Variants in AMPH observed in about 807,000 individuals in gnomAD.
AMPH encodes the protein amphiphysin, also known as amphiphysin (Stiff-Mann syndrome with breast cancer 128kD autoantigen).
A neutral mutation model predicts 99.1 loss-of-function variants in AMPH; 49 were observed. The ratio of observed to expected loss-of-function variants is 0.49; its 90% confidence interval spans 0.39 to 0.63. The LOEUF is 0.63. Among genes scored for constraint, AMPH ranks in the 20% least tolerant of loss-of-function variants. The pLI is 0.00. For missense variants in AMPH, 759 were observed against 863.4 expected, an observed-to-expected ratio of 0.88 and a Z score of 1.52; for synonymous variants, 314 against 317.3, an observed-to-expected ratio of 0.99 and a Z score of 0.11.
chr7:38,499,055 G>A (rs1789034983), intron 3 of AMPH, among the ~76,000 whole-genome samples: 1 of 152,142 alleles, frequency 6.6e-6, no homozygotes, highest in Non-Finnish European at 1.5e-5. Context: ...TCATTCAAGT[G>A]TAAGTTCCTT....
Position 38,391,908 on chromosome 7 carries a change from G to T in AMPH, c.1718C>A (p.Ala573Asp). 1 of 1,612,850 alleles carries T rather than the reference G, an allele frequency of 6.2e-7. No homozygotes were observed. Among genetic ancestry groups the T allele is most frequent in the Non-Finnish European group, 8.5e-7 (1 of 1,179,846 alleles). Residue 573 changes from alanine (A) to aspartate (D), a missense_variant, in exon 19 of 21, where the codon GCT becomes GAT. Physicochemically the swap from Ala to Asp is moderately radical, Grantham distance 126. Transcript: ENST00000356264. ...AEPKETTEDAAPPGPTSETPE... is the reference protein window; with the variant it reads ...AEPKETTEDADPPGPTSETPE... Reference sequence around the variant, plus strand: ...TGTCTCGCTGGTGGGGCCCGGAGGAGCCGCGTCCTCGGTGGTCTCCTTGGG... The same window carrying T: ...TGTCTCGCTGGTGGGGCCCGGAGGATCCGCGTCCTCGGTGGTCTCCTTGGG...
rs1371022720 is a variant in AMPH, at chr7:38,464,335, A to G, written c.749+1132T>C. Among the ~76,000 whole-genome samples, 3 of 152,246 alleles carry G rather than the reference A, an allele frequency of 2.0e-5. No individual in the cohort carries two copies. In the South Asian group the frequency reaches 6.2e-4, roughly 32 times the overall value. On this transcript the variant is annotated intron_variant, in intron 9 of 20. Coordinates refer to ENST00000356264, the MANE Select transcript of AMPH (RefSeq NM_001635.4). ...TTCGTGCCTAGCCCCATACTGAAATAACCATACTGAAAACAGTAACTCTGC... is the reference window on the plus strand; with the variant it reads ...TTCGTGCCTAGCCCCATACTGAAATGACCATACTGAAAACAGTAACTCTGC...
chr7:38,450,979 C>T (rs1562763950), intron 11 of AMPH, among the ~76,000 whole-genome samples: 1 of 151,768 alleles, frequency 6.6e-6, no homozygotes, highest in Non-Finnish European at 1.5e-5. Flanking sequence ...TAACCTCGAC[C>T]TCCTGGGCTC....
At chr7:38,521,582 G>C (rs1450343246) in intron 2 of AMPH, among the ~76,000 whole-genome samples, 1 of 152,140 alleles carries the variant, frequency 6.6e-6, no homozygotes, top group Non-Finnish European at 1.5e-5. Flanking sequence ...ATGAAAAAAG[G>C]TAGAGAGATT....
chr7:38,475,417 C>T lies in AMPH; in HGVS notation c.505-1G>A. 6.2e-7 allele frequency: 1 copy of T among 1,609,006 alleles called. No individual in the cohort carries two copies. Among genetic ancestry groups the T allele is most frequent in the Non-Finnish European group, 8.5e-7 (1 of 1,176,368 alleles). On this transcript the variant is annotated splice_acceptor_variant, in intron 6 of 20. Transcript: ENST00000356264. LOFTEE classifies it high-confidence loss of function. The stretch of plus-strand genomic sequence containing the variant: ...GTGCTTTCTGAAATTCTTCTTCTGC[C>T]TAGGAATGAAACATAACATGTGTTT...
chr7:38,544,358 G>A (rs1485422725), intron 1 of AMPH, among the ~76,000 whole-genome samples: 1 of 152,178 alleles, frequency 6.6e-6, no homozygotes, highest in East Asian at 1.9e-4. Flanking sequence ...TCCCCTCCTT[G>A]TAAGAATATT....
intron 16 of AMPH, among the ~76,000 whole-genome samples, chr7:38,421,706 T>C (rs1785586839): frequency 6.6e-6 from 1 of 152,174 alleles, no homozygotes; most frequent in Non-Finnish European, 1.5e-5. Flanking sequence ...GAGAAAACCA[T>C]AGTGCTACAA....
At chr7:38,452,498 C>T (rs141840521) in intron 11 of AMPH, among the ~76,000 whole-genome samples, 4 of 152,222 alleles carry the variant, frequency 2.6e-5, no homozygotes, top group East Asian at 1.9e-4. Flanking sequence ...ATACGTAGCT[C>T]GACCTATAAT....
chr7:38,434,246 A>T (rs1472730765), intron 12 of AMPH, among the ~76,000 whole-genome samples: 1 of 152,194 alleles, frequency 6.6e-6, no homozygotes, highest in Non-Finnish European at 1.5e-5. Flanking sequence ...AGATTAAACC[A>T]AGGTCATTTT....
At position 38,413,407 on chromosome 7, in the gene AMPH, T is replaced by G. The variant is rs193067340; in HGVS notation, c.1398+4418A>C. On this transcript the variant is annotated intron_variant, in intron 17 of 20. Coordinates refer to ENST00000356264, the MANE Select transcript of AMPH (RefSeq NM_001635.4). ...GAGAAGGAAAATGACCATATACATA[T>G]TTGTACTTTAAGAAATCAAACTGCA... 3.9e-5 allele frequency among the ~76,000 whole-genome samples: 6 copies of G among 152,192 alleles called. No homozygotes were observed. In the East Asian group the frequency reaches 1.2e-3, roughly 29 times the overall value.
At chr7:38,463,590 A>C (rs528271105) in intron 9 of AMPH, among the ~76,000 whole-genome samples, 1 of 152,262 alleles carries the variant, frequency 6.6e-6, no homozygotes, top group Non-Finnish European at 1.5e-5. Flanking sequence ...TGAAAATTGT[A>C]ACTTTTATAT....
chr7:38,449,254 T>G (rs1268139852), intron 11 of AMPH, among the ~76,000 whole-genome samples: 2 of 152,196 alleles, frequency 1.3e-5, no homozygotes, highest in African/African-American at 4.8e-5. Context: ...ATTTGTTCAT[T>G]TACTGAATGC....
At chr7:38,617,179 A>C (rs28754843) in intron 1 of AMPH, among the ~76,000 whole-genome samples, 1 of 151,906 alleles carries the variant, frequency 6.6e-6, no homozygotes, top group South Asian at 2.1e-4. Flanking sequence ...AAGGTGTGAG[A>C]GGAATGTGTG....
intron 3 of AMPH, among the ~76,000 whole-genome samples, chr7:38,496,898 G>A (rs1788953633): frequency 6.6e-6 from 1 of 152,158 alleles, no homozygotes; most frequent in African/African-American, 2.4e-5. Context: ...ATTTGGCACT[G>A]TAGACCAAAT....
chr7:38,603,978 T>C (rs1793344493), intron 1 of AMPH, among the ~76,000 whole-genome samples: 1 of 152,162 alleles, frequency 6.6e-6, no homozygotes, highest in Non-Finnish European at 1.5e-5. Context: ...GAATGCAGGG[T>C]GGAGCAGAAA....
chr7:38,512,549 T>C (rs1253403922), intron 2 of AMPH, among the ~76,000 whole-genome samples: 2 of 152,228 alleles, frequency 1.3e-5, no homozygotes, highest in African/African-American at 2.4e-5. Flanking sequence ...CCCTCCCTAG[T>C]TGGCATGGTT....
At chr7:38,546,925 T>C (rs146154248) in intron 1 of AMPH, among the ~76,000 whole-genome samples, 1 of 152,274 alleles carries the variant, frequency 6.6e-6, no homozygotes, top group Non-Finnish European at 1.5e-5. Flanking sequence ...AGCTAATCCC[T>C]AAGAACCGCA....
At position 38,557,212 on chromosome 7, in the gene AMPH, A is replaced by G. The variant is rs562042539; in HGVS notation, c.70-22201T>C. Among the ~76,000 whole-genome samples the G allele has an allele frequency of 3.3e-5, 5 of 152,332 alleles. No individual in the cohort carries two copies. The South Asian group carries it at 6.2e-4, about 19-fold the overall frequency. ...CCACTCATTCATCCCACAACTACTT[A>G]AACTACACGTGATTACATGAAAGTG... On this transcript the variant is annotated intron_variant, in intron 1 of 20. Coordinates refer to ENST00000356264, the MANE Select transcript of AMPH (RefSeq NM_001635.4).
At chr7:38,593,641 A>T (rs1218218568) in intron 1 of AMPH, among the ~76,000 whole-genome samples, 1 of 152,180 alleles carries the variant, frequency 6.6e-6, no homozygotes, top group Non-Finnish European at 1.5e-5. Flanking sequence ...TCCTGCTTTG[A>T]TTCACTTTCA....
Sources: gnomAD v4.1 joint callset for allele counts (sites outside exome capture counted in the v4.1 genomes callset) on GRCh38, gnomAD v4.1.1 for gene constraint, MANE v1.5 for transcripts, NCBI Gene and HGNC (gene_info 2026-07-23, HGNC 2026-07-21) for gene names.